SDHA: variants seen among roughly 807,000 people sequenced by gnomAD.
SDHA encodes the protein succinate dehydrogenase complex flavoprotein subunit A.
SDHA carries 48 observed loss-of-function variants against 78.4 expected under a neutral mutation model. The ratio of observed to expected loss-of-function variants is 0.61; its 90% confidence interval spans 0.49 to 0.78. SDHA has a LOEUF of 0.78. SDHA is among the 30% of genes least tolerant of loss of function. The pLI is 0.00. For missense variants in SDHA, 680 were observed against 892.7 expected (o/e 0.76, Z 3.04); for synonymous variants, 326 against 353.9 (o/e 0.92, Z 0.88).
chr5:224,573 C>G (rs754951605), intron 3 of SDHA, 52 bp downstream of exon 3: 1 of 1,596,146 alleles, frequency 6.3e-7, no homozygotes, highest in Non-Finnish European at 8.6e-7. Flanking sequence ...TCCCGCGCAG[C>G]CTCGCACTTT....
intron 11 of SDHA, among the ~76,000 whole-genome samples, chr5:243,393 G>A (rs1264049303): frequency 1.3e-5 from 2 of 152,106 alleles, no homozygotes; most frequent in African/African-American, 2.4e-5. Flanking sequence ...AAACTTGGTG[G>A]GCAGTTGTAG....
intron 1 of SDHA, among the ~76,000 whole-genome samples, chr5:221,214 C>A (rs1334848039): frequency 6.6e-6 from 1 of 152,198 alleles, no homozygotes; most frequent in South Asian, 2.1e-4. Context: ...TATACCCTCC[C>A]TCACCCAGTT....
At chr5:239,007 A>G (rs1735959803) in intron 10 of SDHA, among the ~76,000 whole-genome samples, 1 of 151,586 alleles carries the variant, frequency 6.6e-6, no homozygotes, top group Non-Finnish European at 1.5e-5. Context: ...ACCTAAAGAA[A>G]AAAGTCAATT....
chr5:258,200 A>T (rs1404309565), downstream of SDHA, among the ~76,000 whole-genome samples: 85 of 74,058 alleles, frequency 1.1e-3, no homozygotes, highest in South Asian at 1.7e-3. Flanking sequence ...GGTGAGCTCC[A>T]CCCCCTGCCA....
At chr5:246,558 T>C (rs1165567423) in intron 11 of SDHA, among the ~76,000 whole-genome samples, 1 of 152,262 alleles carries the variant, frequency 6.6e-6, no homozygotes, top group African/African-American at 2.4e-5. Context: ...ATAGAATAGT[T>C]CCAGAGAAGG....
At chr5:240,096 G>A (rs1338985831) in intron 10 of SDHA, among the ~76,000 whole-genome samples, 1 of 152,112 alleles carries the variant, frequency 6.6e-6, no homozygotes, top group Non-Finnish European at 1.5e-5. Context: ...TTTTAGAGAT[G>A]ATTTCTAGTT....
At chr5:222,970 T>C (rs1014587470) in intron 1 of SDHA, among the ~76,000 whole-genome samples, 3 of 152,190 alleles carry the variant, frequency 2.0e-5, no homozygotes, top group African/African-American at 7.2e-5. Context: ...CTGTCAGCTT[T>C]TACTGTTCCA....
In SDHA at chr5:233,642, G is replaced by A. The variant is rs2126578424; in HGVS notation, c.1061G>A (p.Gly354Glu). ...SRSMTLEIRE[G>E]RGCGPEKDHV... ...TCCATGACTCTGGAGATCCGAGAAG[G>A]AAGGTGCGTGTGATTTACCACCAGC... is the stretch of plus-strand genomic sequence containing the variant. The change falls in exon 8 of 15, where the codon GGA becomes GAA. Residue 354 changes from glycine to glutamate, a missense_variant. Coordinates refer to ENST00000264932, the MANE Select transcript of SDHA (RefSeq NM_004168.4). 3 of 1,614,008 alleles carry A rather than the reference G, an allele frequency of 1.9e-6. No individual in the cohort carries two copies. Among genetic ancestry groups the A allele is most frequent in the Non-Finnish European group, 2.5e-6 (3 of 1,179,888 alleles).
In SDHA at chr5:233,609, T is replaced by A. The variant is rs1218116319; in HGVS notation, c.1028T>A (p.Val343Glu). The part of the protein sequence containing the change: ...VAKDLASRDV[V>E]SRSMTLEIRE... Reference sequence around the variant, plus strand: ...AAGGACCTGGCGTCTAGAGATGTGGTGTCTCGGTCCATGACTCTGGAGATC... The same window carrying A: ...AAGGACCTGGCGTCTAGAGATGTGGAGTCTCGGTCCATGACTCTGGAGATC... Residue 343 changes from valine (V) to glutamate (E), a missense_variant, in exon 8 of 15, where the codon GTG (valine) becomes GAG (glutamate). Val to Glu is a moderately radical substitution (Grantham distance 121). Transcript: ENST00000264932. 6.2e-7 allele frequency: 1 copy of A among 1,614,116 alleles called. No homozygotes were observed. The highest frequency in any genetic ancestry group is 1.3e-5 in the African/African-American group (1 of 75,028).
intron 13 of SDHA, among the ~76,000 whole-genome samples, chr5:253,974 A>G (rs1267281309): frequency 9.9e-5 from 15 of 151,956 alleles, no homozygotes; most frequent in Admixed American, 9.8e-4. Context: ...CTGGGAAGTC[A>G]AGGCTCCGGC....
Position 257,064 on chromosome 5 carries a change from T to TA in SDHA, c.*645dup, listed in dbSNP as rs2126647705. Among the ~76,000 whole-genome samples, 1 of 152,244 alleles carries TA rather than the reference T, an allele frequency of 6.6e-6. No individual in the cohort carries two copies. Among genetic ancestry groups the TA allele is most frequent in the South Asian group, 2.1e-4 (1 of 4,824 alleles). ...CCTTGGCCTCCCAAGGTGCTGGAATTATAGGTGTGAACAAACCACCATGCC... is the reference window on the plus strand; with the variant it reads ...CCTTGGCCTCCCAAGGTGCTGGAATTAATAGGTGTGAACAAACCACCATGCC... On this transcript the variant is annotated 3_prime_UTR_variant, in exon 15 of 15. Coordinates refer to ENST00000264932, the MANE Select transcript of SDHA (RefSeq NM_004168.4).
intron 7 of SDHA, among the ~76,000 whole-genome samples, 155 bp downstream of exon 7, chr5:231,155 C>T (rs2288457): frequency 0.24 from 36,483 of 152,048 alleles, 6,802 homozygotes; most frequent in African/African-American, 0.52. Flanking sequence ...CGTCATTTAC[C>T]TAAGGAGACT....
the SDHA span, among the ~76,000 whole-genome samples, chr5:262,787 A>G: frequency 2.6e-5 from 4 of 152,350 alleles, no homozygotes; most frequent in South Asian, 8.3e-4. Context: ...TTAGAAAGTA[A>G]TATTAGGTTG....
At chr5:241,709 A>G (rs1736152835) in intron 11 of SDHA, among the ~76,000 whole-genome samples, 1 of 152,238 alleles carries the variant, frequency 6.6e-6, no homozygotes, top group African/African-American at 2.4e-5. Flanking sequence ...CTTTAGTCCT[A>G]TTCTGAAATA....
chr5:227,465 C>G (rs1735103155), intron 5 of SDHA: 1 of 156,418 alleles, frequency 6.4e-6, no homozygotes, highest in African/African-American at 2.4e-5. Flanking sequence ...TTTTCTGATG[C>G]ATGGGGACGG....
At chr5:219,224 T>A (rs1734571399) in intron 1 of SDHA, among the ~76,000 whole-genome samples, 1 of 152,234 alleles carries the variant, frequency 6.6e-6, no homozygotes, top group South Asian at 2.1e-4. Flanking sequence ...AGGGCCGGGC[T>A]CGGCTTAGTC....
chr5:232,367 T>C (rs1300608223), intron 7 of SDHA, among the ~76,000 whole-genome samples: 4 of 152,136 alleles, frequency 2.6e-5, no homozygotes, highest in African/African-American at 9.7e-5. Flanking sequence ...TGTGTTACCA[T>C]GCCCAGCTAA....
intron 10 of SDHA, among the ~76,000 whole-genome samples, chr5:238,125 C>T (rs182214199): frequency 6.6e-5 from 10 of 151,328 alleles, no homozygotes; most frequent in Non-Finnish European, 1.0e-4. Flanking sequence ...CAGCATCTCA[C>T]GCAGAATGCT....
At chr5:252,370 A>C (rs1226726302) in intron 13 of SDHA, among the ~76,000 whole-genome samples, 1 of 130,818 alleles carries the variant, frequency 7.6e-6, no homozygotes, top group Non-Finnish European at 1.5e-5. Flanking sequence ...CCACCATTTC[A>C]AGCCTGCCCT....
Sources: allele counts gnomAD v4.1 joint callset (sites outside exome capture counted in the v4.1 genomes callset), GRCh38; gene constraint gnomAD v4.1.1; transcripts MANE v1.5; gene names NCBI Gene and HGNC (gene_info 2026-07-23, HGNC 2026-07-21).